The following GSDMC variants were observed in gnomAD, a reference collection of about 807,000 sequenced individuals.
GSDMC encodes the protein gasdermin-C.
Under a neutral mutation model 58.0 loss-of-function variants are expected in GSDMC, and 59 were observed. The observed-to-expected ratio is 1.02, with a 90% CI of 0.82 to 1.26. The LOEUF is 1.26. Among genes scored for constraint, GSDMC ranks in the 50% most tolerant of loss-of-function variants. GSDMC has a pLI of 0.00. For synonymous variants in GSDMC, 241 were observed against 220.2 expected, an observed-to-expected ratio of 1.09 and a Z score of -0.83; for missense variants, 659 against 598.5, an observed-to-expected ratio of 1.10 and a Z score of -1.06.
At chr8:129,751,195 C>A (rs75360792) in intron 10 of GSDMC, among the ~76,000 whole-genome samples, 30 of 152,200 alleles carry the variant, frequency 2.0e-4, no homozygotes, top group Non-Finnish European at 3.7e-4. Flanking sequence ...TTGCCAGTAT[C>A]CTCAATGTTT....
chr8:129,748,481 G>C lies in GSDMC; in HGVS notation c.*20C>G. 1.3e-6 allele frequency: 2 copies of C among 1,586,410 alleles called. No individual in the cohort carries two copies. The highest frequency in any genetic ancestry group is 1.7e-6 in the Non-Finnish European group (2 of 1,167,476). On this transcript the variant is annotated 3_prime_UTR_variant, in exon 14 of 14. Transcript: ENST00000276708. ...GGGCGAGGGCCAGCATCTCTGGACT[G>C]ACTGCCCATCAGGGAGGGCTTAGGC...
chr8:129,776,059 T>G (rs765130621), intron 3 of GSDMC, 43 bp downstream of exon 3: 1 of 1,467,816 alleles, frequency 6.8e-7, no homozygotes, highest in African/African-American at 1.4e-5. Flanking sequence ...AAACACCCCC[T>G]GGGATACTGA....
At chr8:129,783,415 T>A (rs373339436) in intron 1 of GSDMC, among the ~76,000 whole-genome samples, 2 of 152,016 alleles carry the variant, frequency 1.3e-5, no homozygotes, top group Admixed American at 1.3e-4. Context: ...AAAATCAACA[T>A]CCAAAAATCA....
intron 6 of GSDMC, among the ~76,000 whole-genome samples, chr8:129,758,749 A>G (rs938066708): frequency 6.6e-6 from 1 of 152,194 alleles, no homozygotes; most frequent in African/African-American, 2.4e-5. Flanking sequence ...TTCCATGTTC[A>G]TGGATGGGAA....
At position 129,756,106 on chromosome 8, in the gene GSDMC, A is replaced by T. The variant is rs7821985; in HGVS notation, c.722-3286T>A. On this transcript the variant is annotated intron_variant, in intron 6 of 13. Transcript: ENST00000276708. Reference sequence around the variant, plus strand: ...AGATTCCATGATCTGTTACCTACAAAAAACACACTTCATCTATAAAGATAC... The same window carrying T: ...AGATTCCATGATCTGTTACCTACAATAAACACACTTCATCTATAAAGATAC... Among the ~76,000 whole-genome samples the T allele has an allele frequency of 2.0e-5, 3 of 150,142 alleles. No homozygotes were observed. In the East Asian group the frequency reaches 5.8e-4, roughly 29 times the overall value.
rs369223774 is a variant in GSDMC, at chr8:129,776,102, C to A, written c.404G>T (p.Arg135Met). 8.1e-6 allele frequency: 13 copies of A among 1,611,940 alleles called. No homozygotes were observed. Among genetic ancestry groups the A allele is most frequent in the Admixed American group, 3.3e-5 (2 of 59,788 alleles). ...TCCCCTTCCTCTCCCATGGCCTCAC[C>A]TTTTTTGAAAGTCTTCCAGGTTTGG... ...PSPNLEDFQK[R>M]KLLDPEPSFL... Residue 135 changes from arginine (R) to methionine (M), a missense_variant and splice_region_variant, in exon 3 of 14, where the codon AGG becomes ATG. Arg to Met is a moderately conservative substitution (Grantham distance 91). Transcript: ENST00000276708.
intron 3 of GSDMC, among the ~76,000 whole-genome samples, chr8:129,767,192 AC>A (rs761370044): frequency 1.3e-5 from 2 of 152,170 alleles, no homozygotes; most frequent in East Asian, 1.9e-4. Flanking sequence ...CCAGCCAGCA[AC>A]CCTGCCTAAC....
At chr8:129,742,729 T>C in the GSDMC span, among the ~76,000 whole-genome samples, 1 of 152,164 alleles carries the variant, frequency 6.6e-6, no homozygotes, top group Non-Finnish European at 1.5e-5. Context: ...CTTCCATTTC[T>C]CAAGGCTCAC....
At chr8:129,715,259 T>C in the GSDMC span, among the ~76,000 whole-genome samples, 4 of 152,086 alleles carry the variant, frequency 2.6e-5, no homozygotes, top group African/African-American at 9.7e-5. Context: ...AGTCCTAGAC[T>C]AAACACTGTT....
chr8:129,719,105 C>A, the GSDMC span, among the ~76,000 whole-genome samples: 14 of 152,188 alleles, frequency 9.2e-5, no homozygotes, highest in South Asian at 8.3e-4. Context: ...ATGGGTGCAG[C>A]AAACCACCAT....
downstream of GSDMC, among the ~76,000 whole-genome samples, chr8:129,744,646 C>A (rs1460473149): frequency 6.6e-6 from 1 of 152,234 alleles, no homozygotes; most frequent in African/African-American, 2.4e-5. Flanking sequence ...TCCTCCAACT[C>A]AATGCTCTGC....
At chr8:129,772,060 C>T (rs1206843288) in intron 3 of GSDMC, among the ~76,000 whole-genome samples, 5 of 151,988 alleles carry the variant, frequency 3.3e-5, no homozygotes, top group African/African-American at 7.3e-5. Context: ...GTCAGGAGAT[C>T]GAGACCATCC....
At chr8:129,742,744 C>G in the GSDMC span, among the ~76,000 whole-genome samples, 8 of 152,168 alleles carry the variant, frequency 5.3e-5, no homozygotes, top group Non-Finnish European at 1.0e-4. Flanking sequence ...GCTCACTGTC[C>G]TTTTTAACTG....
intron 9 of GSDMC, 141 bp from the exon 10 acceptor site, chr8:129,751,709 GT>G: frequency 9.0e-7 from 1 of 1,112,190 alleles, no homozygotes; most frequent in South Asian, 1.4e-5. Flanking sequence ...CATCCTCCAT[GT>G]TCTCAGCTTT....
At chr8:129,766,856 G>T (rs2033878142) in intron 3 of GSDMC, among the ~76,000 whole-genome samples, 1 of 152,178 alleles carries the variant, frequency 6.6e-6, no homozygotes, top group Non-Finnish European at 1.5e-5. Flanking sequence ...ATCCTAGGAG[G>T]TCCAGCTCTG....
At chr8:129,720,825 G>C in the GSDMC span, among the ~76,000 whole-genome samples, 3 of 152,164 alleles carry the variant, frequency 2.0e-5, no homozygotes, top group African/African-American at 7.2e-5. Flanking sequence ...AGGAAGATTT[G>C]GTTTCAAATT....
intron 1 of GSDMC, among the ~76,000 whole-genome samples, chr8:129,780,710 C>G (rs931049754): frequency 2.6e-5 from 4 of 152,112 alleles, no homozygotes; most frequent in African/African-American, 7.2e-5. Context: ...AGGTACAAAA[C>G]TCAATGGTAG....
At chr8:129,753,232 G>T (rs1586579628) in intron 6 of GSDMC, among the ~76,000 whole-genome samples, 1 of 152,330 alleles carries the variant, frequency 6.6e-6, no homozygotes, top group East Asian at 1.9e-4. Context: ...AGAAATGAAA[G>T]TGTCTCATTC....
chr8:129,748,876 T>G, intron 13 of GSDMC, 136 bp from the exon 14 acceptor site: 1 of 587,562 alleles, frequency 1.7e-6, no homozygotes, highest in Non-Finnish European at 2.8e-6. Context: ...AGGAGTAACA[T>G]GCTGGTCATA....
Sources: allele counts gnomAD v4.1 joint callset (sites outside exome capture counted in the v4.1 genomes callset), GRCh38; gene constraint gnomAD v4.1.1; transcripts MANE v1.5; gene names NCBI Gene and HGNC (gene_info 2026-07-23, HGNC 2026-07-21).